TFB1M: variants seen among roughly 807,000 people sequenced by gnomAD.
The protein encoded by TFB1M is dimethyladenosine transferase 1, mitochondrial.
TFB1M carries 27 observed loss-of-function variants against 31.1 expected under a neutral mutation model. The ratio of observed to expected loss-of-function variants is 0.87; its 90% CI spans 0.64 to 1.20. The LOEUF (loss-of-function observed/expected upper bound fraction) is 1.20, where lower values mean the gene tolerates loss of function less well. Ranked by LOEUF, TFB1M falls within the 50% of genes most tolerant of loss-of-function variation. The pLI, the probability that TFB1M is intolerant of heterozygous loss-of-function variation, is 0.00. For missense variants in TFB1M, 394 were observed against 418.7 expected (o/e 0.94, Z 0.51); for synonymous variants, 166 against 151.8 (o/e 1.09, Z -0.69).
At chr6:155,249,051 A>G in the TFB1M span, among the ~76,000 whole-genome samples, 1 of 152,232 alleles carries the variant, frequency 6.6e-6, no homozygotes, top group African/African-American at 2.4e-5. Context: ...CATTCATACT[A>G]TGTAAAAACT....
intron 2 of TFB1M, among the ~76,000 whole-genome samples, chr6:155,300,750 C>CTAATA: frequency 6.6e-6 from 1 of 152,210 alleles, no homozygotes; most frequent in South Asian, 2.1e-4. Flanking sequence ...TATCTAAAAG[C>CTAATA]TAATATAATA....
At chr6:155,300,424 C>T (rs1777371344) in intron 2 of TFB1M, among the ~76,000 whole-genome samples, 2 of 152,020 alleles carry the variant, frequency 1.3e-5, no homozygotes, top group South Asian at 2.1e-4. Context: ...TTTCAATATA[C>T]TAAAAATTTA....
Position 155,257,125 on chromosome 6 carries a change from G to C in TFB1M, c.*711C>G. The C allele has an allele frequency of 6.7e-7, 1 of 1,492,186 alleles. No homozygotes were observed. The highest frequency in any genetic ancestry group is 1.1e-5 in the South Asian group (1 of 89,386). The allele number at this position is 1,492,186 out of a possible 1,614,324, so 92.4% of individuals were successfully genotyped here. A position where few individuals can be genotyped will look rare whatever the true frequency, so the allele number is the denominator to read the frequency against. On this transcript the variant is annotated 3_prime_UTR_variant, in exon 7 of 7. Transcript: ENST00000367166. ...AGAGAGCCACGGAAAATCATAGTAT[G>C]ATTCAATCCAGATATGGGTTAAATT...
intron 4 of TFB1M, among the ~76,000 whole-genome samples, chr6:155,289,523 T>C (rs1776808328): frequency 6.6e-6 from 1 of 152,228 alleles, no homozygotes; most frequent in East Asian, 1.9e-4. Context: ...ATTGTCTATA[T>C]GTCCCTTAAT....
At chr6:155,234,737 TG>T in the TFB1M span, among the ~76,000 whole-genome samples, 4 of 151,948 alleles carry the variant, frequency 2.6e-5, no homozygotes, top group East Asian at 7.7e-4. Flanking sequence ...ATTCCTGGGG[TG>T]GGGGTGGAAT....
the TFB1M span, chr6:155,248,201 C>T: frequency 1.4e-5 from 22 of 1,607,736 alleles, no homozygotes; most frequent in African/African-American, 6.7e-5. Flanking sequence ...GCGGCACCTC[C>T]GGGCGAGGGC....
chr6:155,295,846 G>A (rs767881873), intron 4 of TFB1M, among the ~76,000 whole-genome samples: 2 of 152,128 alleles, frequency 1.3e-5, no homozygotes, highest in Non-Finnish European at 2.9e-5. Flanking sequence ...TACAAATAAT[G>A]TAGAGATGAT....
chr6:155,298,627 T>C (rs767741652), intron 2 of TFB1M, 42 bp from the exon 3 acceptor site: 7 of 1,340,194 alleles, frequency 5.2e-6, no homozygotes, highest in East Asian at 2.3e-5. Context: ...CATATACTTA[T>C]GCGAGTAACA....
chr6:155,306,096 G>A (rs7747506), intron 2 of TFB1M, among the ~76,000 whole-genome samples: 103,267 of 151,816 alleles, frequency 0.68, 35,550 homozygotes, highest in East Asian at 0.98. Flanking sequence ...TAAGCACATC[G>A]TATGTCCAGT....
Position 155,256,191 on chromosome 6 carries a change from C to A in TFB1M, c.*1645G>T. The stretch of plus-strand genomic sequence containing the variant: ...ATTAACTTTTCAACTTACTCCTTGG[C>A]AAAATAAGAATCTTAGCCCATGTAG... On this transcript the variant is annotated 3_prime_UTR_variant, in exon 7 of 7. Coordinates refer to ENST00000367166, the MANE Select transcript of TFB1M (RefSeq NM_016020.4). The A allele has an allele frequency of 1.8e-6, 1 of 544,542 alleles. No homozygotes were observed. The highest frequency in any genetic ancestry group is 1.9e-5 in the African/African-American group (1 of 51,344). 33.7% of individuals were successfully genotyped at this position (544,542 alleles called of 1,614,324 possible). A position where few individuals can be genotyped will look rare whatever the true frequency, so the allele number is the denominator to read the frequency against.
the TFB1M span, among the ~76,000 whole-genome samples, chr6:155,241,077 C>T: frequency 2.2e-4 from 33 of 152,314 alleles, no homozygotes; most frequent in East Asian, 4.8e-3. Context: ...ACATACGTGA[C>T]GGCTGATCCA....
intron 6 of TFB1M, among the ~76,000 whole-genome samples, chr6:155,258,423 A>G (rs9371369): frequency 0.66 from 100,468 of 152,156 alleles, 33,962 homozygotes; most frequent in East Asian, 0.99. Context: ...CTCATGTTTC[A>G]ATGTGAAAGT....
chr6:155,250,291 CTTTTTTT>C, the TFB1M span, among the ~76,000 whole-genome samples: 2 of 133,698 alleles, frequency 1.5e-5, no homozygotes, highest in African/African-American at 2.8e-5. Context: ...TTGATTTTGC[CTTTTTTT>C]TTTTTTTTTT....
At chr6:155,243,164 C>G in the TFB1M span, among the ~76,000 whole-genome samples, 1 of 152,168 alleles carries the variant, frequency 6.6e-6, no homozygotes, top group East Asian at 1.9e-4. Context: ...TAGAGTTTAG[C>G]CATTAGAGCT....
intron 5 of TFB1M, among the ~76,000 whole-genome samples, chr6:155,280,554 G>GC (rs1459842051): frequency 6.6e-6 from 1 of 152,126 alleles, no homozygotes; most frequent in East Asian, 1.9e-4. Flanking sequence ...TCTCCTGAGG[G>GC]CCCTTGTCAA....
intron 2 of TFB1M, among the ~76,000 whole-genome samples, chr6:155,300,974 T>A (rs1264448201): frequency 1.3e-5 from 2 of 152,132 alleles, no homozygotes; most frequent in Non-Finnish European, 2.9e-5. Context: ...CTGGCTAATT[T>A]TTGTATTTTT....
In TFB1M at chr6:155,314,462, C is replaced by A; in HGVS notation, c.-34G>T. ...GCAAGCACCATCCAACCCTACCTCA[C>A]CCAGGACCTTCACCGCCGCTCCGAA... On this transcript the variant is annotated 5_prime_UTR_variant, in exon 1 of 7. Transcript: ENST00000367166. 2 of 1,613,492 alleles carry A rather than the reference C, an allele frequency of 1.2e-6. No individual in the cohort carries two copies. Among genetic ancestry groups the A allele is most frequent in the Non-Finnish European group, 1.7e-6 (2 of 1,179,842 alleles).
At chr6:155,237,293 G>T in the TFB1M span, among the ~76,000 whole-genome samples, 1 of 152,268 alleles carries the variant, frequency 6.6e-6, no homozygotes, top group African/African-American at 2.4e-5. Flanking sequence ...CAAGAGGTGG[G>T]TTCTCATGGT....
At chr6:155,296,275 G>T (rs1233383858) in intron 4 of TFB1M, among the ~76,000 whole-genome samples, 2 of 151,116 alleles carry the variant, frequency 1.3e-5, no homozygotes, top group East Asian at 3.9e-4. Flanking sequence ...CGCATGCCCC[G>T]CCGAGACAGA....
Sources: allele counts gnomAD v4.1 joint callset (sites outside exome capture counted in the v4.1 genomes callset), GRCh38; gene constraint gnomAD v4.1.1; transcripts MANE v1.5; gene names NCBI Gene and HGNC (gene_info 2026-07-23, HGNC 2026-07-21).